The following TAPT1 variants were observed in gnomAD, a reference collection of about 807,000 sequenced individuals.
TAPT1 encodes transmembrane anterior posterior transformation protein 1 homolog.
Under a neutral mutation model 65.6 loss-of-function variants are expected in TAPT1, and 28 were observed. That is an observed-to-expected ratio of 0.43 (90% confidence interval 0.32 to 0.59). The LOEUF (loss-of-function observed/expected upper bound fraction) is 0.59. TAPT1 is among the 20% of genes least tolerant of loss of function. The pLI is 0.09. For synonymous variants in TAPT1, 278 were observed against 245.2 expected, an observed-to-expected ratio of 1.13 and a Z score of -1.25; for missense variants, 563 against 679.9, an observed-to-expected ratio of 0.83 and a Z score of 1.91.
intron 1 of TAPT1, among the ~76,000 whole-genome samples, chr4:16,217,158 T>A (rs957751614): frequency 1.2e-4 from 18 of 152,196 alleles, no homozygotes; most frequent in Admixed American, 8.5e-4. Context: ...GCAGAGTCTG[T>A]CCTTTCCCCT....
chr4:16,208,344 C>A (rs1043783709), intron 2 of TAPT1, among the ~76,000 whole-genome samples: 6 of 152,204 alleles, frequency 3.9e-5, no homozygotes, highest in Non-Finnish European at 4.4e-5. Flanking sequence ...ATTCTCAGTT[C>A]TTTTCTGTTT....
At chr4:16,214,143 G>A (rs1490998754) in intron 1 of TAPT1, among the ~76,000 whole-genome samples, 1 of 152,194 alleles carries the variant, frequency 6.6e-6, no homozygotes, top group Non-Finnish European at 1.5e-5. Context: ...GGCTAGAATA[G>A]TCAGAAAAGT....
At chr4:16,166,991 C>CTTTTTTTTTTT (rs5856341) in intron 12 of TAPT1, 198 bp from the exon 13 acceptor site, 8 of 160,672 alleles carry the variant, frequency 5.0e-5, no homozygotes, top group South Asian at 9.1e-5. Context: ...CCTTAGTTCT[C>CTTTTTTTTTTT]TTTTTTTTTT....
At chr4:16,207,008 G>A (rs1035491948) in intron 2 of TAPT1, among the ~76,000 whole-genome samples, 3 of 152,088 alleles carry the variant, frequency 2.0e-5, no homozygotes, top group African/African-American at 4.8e-5. Context: ...GACAAGCCTC[G>A]GAGAGAAGGG....
chr4:16,198,431 T>C (rs976667905), intron 3 of TAPT1, among the ~76,000 whole-genome samples: 1 of 152,186 alleles, frequency 6.6e-6, no homozygotes, highest in Admixed American at 6.6e-5. Context: ...GAGTTACTGT[T>C]TTCACGTCAG....
In TAPT1 at chr4:16,208,939, G is replaced by A. The variant is rs1426031204; in HGVS notation, c.330+4829C>T. On this transcript the variant is annotated intron_variant, in intron 2 of 13. Coordinates refer to ENST00000405303, the MANE Select transcript of TAPT1 (RefSeq NM_153365.3). ...AGTACAGTTGCATGATCTTAGCTCA[G>A]AGCAACCTCTGCCTCTGGGGCTCAA... 4.6e-5 allele frequency among the ~76,000 whole-genome samples: 7 copies of A among 152,242 alleles called. No individual in the cohort carries two copies. The South Asian group carries it at 1.5e-3, about 32-fold the overall frequency.
chr4:16,194,594 T>C (rs1164776455), intron 3 of TAPT1, among the ~76,000 whole-genome samples: 3 of 152,142 alleles, frequency 2.0e-5, no homozygotes, highest in African/African-American at 4.8e-5. Flanking sequence ...TCTCAATAAA[T>C]TGCTGTACAA....
At chr4:16,188,593 A>C (rs578012819) in intron 4 of TAPT1, among the ~76,000 whole-genome samples, 40 of 152,324 alleles carry the variant, frequency 2.6e-4, no homozygotes, top group African/African-American at 8.7e-4. Context: ...GTTTGTAACA[A>C]AGAAAGTCTT....
intron 7 of TAPT1, among the ~76,000 whole-genome samples, chr4:16,180,995 AT>A (rs1294333956): frequency 1.3e-5 from 2 of 152,184 alleles, no homozygotes; most frequent in East Asian, 1.9e-4. Context: ...GGCCATGTGG[AT>A]TTTCAGGTGC....
rs539811658 is a variant in TAPT1 at position 16,201,246 on chromosome 4, C to T, written c.449+1216G>A. Among the ~76,000 whole-genome samples, 35 of 152,114 alleles carry T rather than the reference C, an allele frequency of 2.3e-4. No homozygotes were observed. The South Asian group carries it at 3.5e-3, about 15-fold the overall frequency. On this transcript the variant is annotated intron_variant, in intron 3 of 13. Transcript: ENST00000405303. Reference sequence around the variant, plus strand: ...TATGTGTTACTAAATATCAAGTATACGCTCATTTACTACTTTAAAAAAGAA... The same window carrying T: ...TATGTGTTACTAAATATCAAGTATATGCTCATTTACTACTTTAAAAAAGAA...
chr4:16,222,198 C>T (rs1427677728), intron 1 of TAPT1, among the ~76,000 whole-genome samples: 1 of 152,110 alleles, frequency 6.6e-6, no homozygotes, highest in East Asian at 1.9e-4. Context: ...AAATGAGCTG[C>T]TAGGATTGAA....
In TAPT1 at chr4:16,166,742, G is replaced by A; in HGVS notation, c.1365C>T (p.Cys455=). ...CCATTTTGGCTTCCTTCACATACTG[G>A]CACGATTTCCCCAACAGCACGATGC... The part of the protein sequence containing the change: ...LNSIVLLGKS[C]QYVKEAKMEE... The change falls in exon 13 of 14, where the codon TGC becomes TGT. Residue 455 remains cysteine (C), a synonymous_variant. Transcript: ENST00000405303. 1 of 1,613,926 alleles carries A rather than the reference G, an allele frequency of 6.2e-7. No individual in the cohort carries two copies. The highest frequency in any genetic ancestry group is 8.5e-7 in the Non-Finnish European group (1 of 1,179,886).
Position 16,213,853 on chromosome 4 carries a change from T to C in TAPT1, c.245A>G (p.Tyr82Cys), listed in dbSNP as rs755405035. ...CTTGGCCTCATTATGTTCAAGGAAG[T>C]ACCCTCTTGTTAGTTCAGCACTGAG... ...RFLSAELTRG[Y>C]FLEHNEAKYT... The change falls in exon 2 of 14, where the codon TAC becomes TGC. Residue 82 changes from tyrosine to cysteine, a missense_variant. This residue lies in a region of TAPT1 where 217 missense variants were observed against 317.5 expected (regional missense o/e 0.68). Transcript: ENST00000405303. 1.2e-6 allele frequency: 2 copies of C among 1,610,230 alleles called. No individual in the cohort carries two copies. Among genetic ancestry groups the C allele is most frequent in the South Asian group, 1.1e-5 (1 of 90,256 alleles).
At position 16,175,167 on chromosome 4, in the gene TAPT1, G is replaced by T. The variant is rs556634394; in HGVS notation, c.1108-438C>A. On this transcript the variant is annotated intron_variant, in intron 9 of 13. Transcript: ENST00000405303. ...ACATAAAACTAAGTTAGGGAACATA[G>T]TAAATATGAAGGCACTTGTGAATGA... is the stretch of plus-strand genomic sequence containing the variant. The T allele has an allele frequency of 2.0e-5, 3 of 152,318 alleles. No individual in the cohort carries two copies. In the East Asian group the frequency reaches 5.8e-4, roughly 29 times the overall value. 9.4% of individuals were successfully genotyped at this position (152,318 alleles called of 1,614,324 possible).
At chr4:16,171,914 A>T (rs1202404093) in intron 11 of TAPT1, among the ~76,000 whole-genome samples, 2 of 152,150 alleles carry the variant, frequency 1.3e-5, no homozygotes, top group African/African-American at 2.4e-5. Context: ...ATATAAAATC[A>T]TTTTACGACC....
At chr4:16,219,981 G>C (rs891445077) in intron 1 of TAPT1, among the ~76,000 whole-genome samples, 1 of 152,306 alleles carries the variant, frequency 6.6e-6, no homozygotes, top group South Asian at 2.1e-4. Context: ...CTCACTGCCA[G>C]AGCCATCGAG....
At chr4:16,185,707 G>A (rs1384995138) in intron 7 of TAPT1, among the ~76,000 whole-genome samples, 1 of 152,068 alleles carries the variant, frequency 6.6e-6, no homozygotes, top group Non-Finnish European at 1.5e-5. Context: ...AGGGTTCTCA[G>A]GACCAAAAAG....
intron 12 of TAPT1, among the ~76,000 whole-genome samples, chr4:16,169,275 T>C (rs1170277728): frequency 6.6e-6 from 1 of 152,198 alleles, no homozygotes; most frequent in Non-Finnish European, 1.5e-5. Context: ...CTGGATGAAC[T>C]ATGCACAGGC....
At chr4:16,174,503 C>G in intron 10 of TAPT1, 167 bp downstream of exon 10, 1 of 688,358 alleles carries the variant, frequency 1.5e-6, no homozygotes, top group South Asian at 2.1e-5. Flanking sequence ...TTAAGTATTA[C>G]TATTATTCTT....
Sources: gnomAD v4.1 joint callset for allele counts (sites outside exome capture counted in the v4.1 genomes callset) on GRCh38, gnomAD v4.1.1 for gene constraint, gnomAD v4.1.1 regional missense constraint, MANE v1.5 for transcripts, NCBI Gene and HGNC (gene_info 2026-07-23, HGNC 2026-07-21) for gene names.